ANKS1B: variants seen among roughly 807,000 people sequenced by gnomAD.
ANKS1B encodes ankyrin repeat and sterile alpha motif domain containing 1B, also known as ankyrin repeat and sterile alpha motif domain-containing protein 1B.
Under a neutral mutation model 148.3 loss-of-function variants are expected in ANKS1B, and 36 were observed. The observed-to-expected ratio is 0.24, with a 90% CI of 0.19 to 0.32. The LOEUF is 0.32. Among genes scored for constraint, ANKS1B ranks in the 10% least tolerant of loss-of-function variants. The probability of loss-of-function intolerance (pLI) is 1.00; values close to 1 mark genes in which losing one functional copy is unlikely to be tolerated. For missense variants in ANKS1B, 1,157 were observed against 1,542.6 expected, an observed-to-expected ratio of 0.75 and a Z score of 4.19; for synonymous variants, 542 against 560.8, an observed-to-expected ratio of 0.97 and a Z score of 0.47.
chr12:99,799,410 C>T (rs576122951), intron 4 of ANKS1B, among the ~76,000 whole-genome samples: 47 of 152,176 alleles, frequency 3.1e-4, no homozygotes, highest in African/African-American at 1.1e-3. Context: ...CTGACCCTTC[C>T]GTCTCAATCA....
chr12:99,796,722 T>C, intron 4 of ANKS1B, among the ~76,000 whole-genome samples: 1 of 151,978 alleles, frequency 6.6e-6, no homozygotes, highest in South Asian at 2.1e-4. Flanking sequence ...TATAAAGTAA[T>C]GACAAGTATT....
At chr12:99,437,232 G>A (rs1429646787) in intron 11 of ANKS1B, among the ~76,000 whole-genome samples, 1 of 151,838 alleles carries the variant, frequency 6.6e-6, no homozygotes, top group Non-Finnish European at 1.5e-5. Flanking sequence ...AAGTTCCCAT[G>A]GGCCTCTTTT....
At chr12:99,516,895 A>G (rs539325723) in intron 9 of ANKS1B, among the ~76,000 whole-genome samples, 1 of 151,958 alleles carries the variant, frequency 6.6e-6, no homozygotes, top group Non-Finnish European at 1.5e-5. Flanking sequence ...ATGCAGTACT[A>G]TGCTGTTTTG....
rs141216097 is a variant in ANKS1B at position 99,487,494 on chromosome 12, T to C, written c.1438+16982A>G. Among the ~76,000 whole-genome samples, 104 of 152,212 alleles carry C rather than the reference T, an allele frequency of 6.8e-4. 1 individual carries two copies. The East Asian group carries it at 0.017, about 25-fold the overall frequency. On this transcript the variant is annotated intron_variant, in intron 10 of 26. Coordinates refer to ENST00000683438, the MANE Select transcript of ANKS1B (RefSeq NM_001352186.2). Reference sequence around the variant, plus strand: ...AAGGTGAGCTGAAGAGTGGGAACAATTGGGTCAGGCAAAATGTGAGACTTG... The same window carrying C: ...AAGGTGAGCTGAAGAGTGGGAACAACTGGGTCAGGCAAAATGTGAGACTTG...
intron 14 of ANKS1B, among the ~76,000 whole-genome samples, chr12:99,200,188 A>C (rs1414370351): frequency 6.6e-6 from 1 of 152,264 alleles, no homozygotes; most frequent in Non-Finnish European, 1.5e-5. Context: ...CTTGCATTCT[A>C]GTTTAGTTCA....
chr12:99,303,723 A>T (rs2081985411), intron 12 of ANKS1B, among the ~76,000 whole-genome samples: 1 of 152,050 alleles, frequency 6.6e-6, no homozygotes, highest in African/African-American at 2.4e-5. Context: ...ATTTTGGTGC[A>T]CCCATTACCC....
intron 15 of ANKS1B, among the ~76,000 whole-genome samples, chr12:99,107,206 G>A (rs1304358092): frequency 6.6e-6 from 1 of 151,970 alleles, no homozygotes; most frequent in Non-Finnish European, 1.5e-5. Flanking sequence ...AATATCTAAT[G>A]GACAGTGACC....
chr12:99,706,640 A>G (rs1371567028), intron 8 of ANKS1B: 2 of 152,124 alleles, frequency 1.3e-5, no homozygotes, highest in South Asian at 4.1e-4. Flanking sequence ...TAGCTAATAG[A>G]ATATGACAAA....
intron 12 of ANKS1B, among the ~76,000 whole-genome samples, chr12:99,359,776 T>C (rs1291046808): frequency 1.3e-5 from 2 of 152,170 alleles, no homozygotes; most frequent in African/African-American, 4.8e-5. Context: ...TTAATCTTTA[T>C]ATATTTATTT....
intron 17 of ANKS1B, among the ~76,000 whole-genome samples, chr12:99,045,264 G>A (rs2099961591): frequency 6.6e-6 from 1 of 152,144 alleles, no homozygotes; most frequent in Non-Finnish European, 1.5e-5. Flanking sequence ...AGGCACATGT[G>A]TTTTTTAAAA....
rs71305587 is a variant in ANKS1B, at chr12:98,745,375, CTTTTTTTTTTTT to C, written c.*352_*363del. On this transcript the variant is annotated 3_prime_UTR_variant, in exon 27 of 27. Transcript: ENST00000683438. ...TAGGCAGTATTAGAGATCCCCTTTA[CTTTTTTTTTTTT>C]TTTTTTTTTTTTAAAGAAAAGGTAT... 1.5e-5 allele frequency: 14 copies of C among 913,710 alleles called. No homozygotes were observed. Among genetic ancestry groups the C allele is most frequent in the East Asian group, 1.4e-4 (1 of 6,964 alleles). 56.6% of individuals were successfully genotyped at this position (913,710 alleles called of 1,614,324 possible).
chr12:99,580,005 T>C (rs773719673), intron 9 of ANKS1B, among the ~76,000 whole-genome samples: 1 of 152,168 alleles, frequency 6.6e-6, no homozygotes, highest in African/African-American at 2.4e-5. Context: ...CACCATTGAA[T>C]ACTATGCAGC....
At chr12:99,289,940 T>C (rs928763260) in intron 12 of ANKS1B, among the ~76,000 whole-genome samples, 2 of 151,394 alleles carry the variant, frequency 1.3e-5, no homozygotes, top group Non-Finnish European at 3.0e-5. Context: ...AGCAGAAATA[T>C]AACAGAAACA....
intron 8 of ANKS1B, among the ~76,000 whole-genome samples, chr12:99,764,150 G>A (rs2062425879): frequency 6.6e-6 from 1 of 152,122 alleles, no homozygotes; most frequent in African/African-American, 2.4e-5. Context: ...TTCAATAAAT[G>A]TTTGCTAAGC....
chr12:98,744,045 T>TACAAA lies in ANKS1B; in HGVS notation c.*1693_*1694insTTTGT. On this transcript the variant is annotated 3_prime_UTR_variant, in exon 27 of 27. Transcript: ENST00000683438. ...ATAAATAATGACAAAAATTACAAAA[T>TACAAA]TTATAACTGGAAGCCCAAGCTTATT... 4.1e-6 allele frequency: 4 copies of TACAAA among 983,660 alleles called. No individual in the cohort carries two copies. The highest frequency in any genetic ancestry group is 4.8e-6 in the Non-Finnish European group (4 of 828,274). 60.9% of individuals were successfully genotyped at this position (983,660 alleles called of 1,614,324 possible).
At chr12:99,124,418 A>ATGTGTGTG (rs71081900) in intron 15 of ANKS1B, among the ~76,000 whole-genome samples, 9,620 of 149,690 alleles carry the variant, frequency 0.064, 500 homozygotes, top group East Asian at 0.19. Flanking sequence ...ATTTGTGTGC[A>ATGTGTGTG]TGTGTGTGTG....
chr12:99,830,065 A>G (rs1205226320), intron 1 of ANKS1B, among the ~76,000 whole-genome samples: 16 of 152,190 alleles, frequency 1.1e-4, no homozygotes, highest in Admixed American at 1.0e-3. Context: ...TAGAATGAAG[A>G]GAAATTATTC....
intron 9 of ANKS1B, among the ~76,000 whole-genome samples, chr12:99,535,892 T>G (rs2097060105): frequency 6.6e-6 from 1 of 152,192 alleles, no homozygotes; most frequent in African/African-American, 2.4e-5. Context: ...AGAATTTTTG[T>G]GAAAACAGTT....
At chr12:98,972,743 A>T (rs965416696) in intron 17 of ANKS1B, among the ~76,000 whole-genome samples, 17 of 152,244 alleles carry the variant, frequency 1.1e-4, no homozygotes, top group Admixed American at 4.6e-4. Context: ...AAATGTCTTC[A>T]GTTCTATATA....
Sources: gnomAD v4.1 joint callset for allele counts (sites outside exome capture counted in the v4.1 genomes callset) on GRCh38, gnomAD v4.1.1 for gene constraint, MANE v1.5 for transcripts, NCBI Gene and HGNC (gene_info 2026-07-23, HGNC 2026-07-21) for gene names.